Variants in XXYLT1 observed in about 807,000 individuals in gnomAD.
The protein encoded by XXYLT1 is xyloside xylosyltransferase 1, also known as UDP-xylose:alpha-xyloside alpha-1,3-xylosyltransferase.
Under a neutral mutation model 28.9 loss-of-function variants are expected in XXYLT1, and 20 were observed. The ratio of observed to expected loss-of-function variants is 0.69; its 90% CI spans 0.49 to 1.00. The LOEUF is 1.00. Among genes scored for constraint, XXYLT1 ranks in the 50% least tolerant of loss-of-function variants. The pLI is 0.00. For synonymous variants in XXYLT1, 257 were observed against 253.8 expected, an observed-to-expected ratio of 1.01 and a Z score of -0.12; for missense variants, 542 against 560.1, an observed-to-expected ratio of 0.97 and a Z score of 0.33.
chr3:195,181,485 G>A (rs1423624611), intron 2 of XXYLT1, among the ~76,000 whole-genome samples: 3 of 152,188 alleles, frequency 2.0e-5, no homozygotes, highest in African/African-American at 7.2e-5. Context: ...CTGAGGAAGT[G>A]GATGATAATA....
rs186030666 is a variant in XXYLT1 at position 195,090,548 on chromosome 3, A to G, written c.786-20437T>C. Among the ~76,000 whole-genome samples, 309 of 151,458 alleles carry G rather than the reference A, an allele frequency of 2.0e-3. 9 individuals carry two copies. In the East Asian group the frequency reaches 0.036, roughly 18 times the overall value. ...AAGCAGTGTGTAGAGGGACATTTAT[A>G]GCACTAAATGCCACAAGAGAAAGCA... On this transcript the variant is annotated intron_variant, in intron 3 of 3. Transcript: ENST00000310380.
chr3:195,147,563 T>C (rs1209636027), intron 3 of XXYLT1, among the ~76,000 whole-genome samples: 6 of 152,160 alleles, frequency 3.9e-5, no homozygotes, highest in Admixed American at 3.9e-4. Flanking sequence ...AGAAAGAAAC[T>C]ATGTCTCAAA....
intron 2 of XXYLT1, among the ~76,000 whole-genome samples, chr3:195,178,683 C>T (rs962604664): frequency 1.3e-5 from 2 of 152,190 alleles, no homozygotes; most frequent in African/African-American, 4.8e-5. Context: ...ACGGTCTTCA[C>T]ACCTGGGCCC....
At chr3:195,171,590 T>G (rs1465668504) in intron 2 of XXYLT1, among the ~76,000 whole-genome samples, 1 of 152,230 alleles carries the variant, frequency 6.6e-6, no homozygotes, top group Non-Finnish European at 1.5e-5. Context: ...GATTGTACTC[T>G]TAAACCTGCA....
intron 3 of XXYLT1, among the ~76,000 whole-genome samples, chr3:195,085,661 T>C (rs114013441): frequency 6.6e-6 from 1 of 152,150 alleles, no homozygotes; most frequent in Non-Finnish European, 1.5e-5. Flanking sequence ...CTGGTGACAA[T>C]CCTAGTAGAG....
chr3:195,099,440 C>T (rs898306503), intron 3 of XXYLT1, among the ~76,000 whole-genome samples: 2 of 152,184 alleles, frequency 1.3e-5, no homozygotes, highest in Non-Finnish European at 2.9e-5. Context: ...GCAGTCAAGT[C>T]AGCTGAAAGT....
chr3:195,261,159 G>A (rs1179539221), intron 1 of XXYLT1, among the ~76,000 whole-genome samples: 1 of 152,154 alleles, frequency 6.6e-6, no homozygotes, highest in African/African-American at 2.4e-5. Flanking sequence ...CAGGCCGGGC[G>A]CGGTGGCTCA....
At chr3:195,211,115 C>T (rs948323062) in intron 2 of XXYLT1, among the ~76,000 whole-genome samples, 2 of 152,204 alleles carry the variant, frequency 1.3e-5, no homozygotes, top group South Asian at 2.1e-4. Context: ...AAAGGCAGGC[C>T]GGGCATGGTA....
chr3:195,203,341 A>G (rs919040609), intron 2 of XXYLT1, among the ~76,000 whole-genome samples: 14 of 152,286 alleles, frequency 9.2e-5, no homozygotes, highest in Non-Finnish European at 1.8e-4. Flanking sequence ...ATTTCACTCA[A>G]AAGAAAGGAA....
intron 2 of XXYLT1, among the ~76,000 whole-genome samples, chr3:195,217,802 G>A (rs1426504201): frequency 4.0e-5 from 6 of 149,064 alleles, no homozygotes; most frequent in Admixed American, 4.0e-4. Flanking sequence ...TCACAGAATT[G>A]GAAAAAACTA....
chr3:195,227,966 A>C (rs1724127520), intron 1 of XXYLT1, among the ~76,000 whole-genome samples: 1 of 152,202 alleles, frequency 6.6e-6, no homozygotes, highest in Non-Finnish European at 1.5e-5. Flanking sequence ...CTGGTCCCAC[A>C]GGTCTTGCAA....
At chr3:195,136,773 C>T (rs1026037913) in intron 3 of XXYLT1, among the ~76,000 whole-genome samples, 3 of 152,122 alleles carry the variant, frequency 2.0e-5, no homozygotes, top group African/African-American at 7.2e-5. Flanking sequence ...AGGAAGGCCA[C>T]TGCATGTCTG....
intron 3 of XXYLT1, among the ~76,000 whole-genome samples, chr3:195,138,714 G>T (rs1176934550): frequency 6.6e-6 from 1 of 152,050 alleles, no homozygotes; most frequent in African/African-American, 2.4e-5. Context: ...AATTAACCAG[G>T]CATGGTGGCG....
chr3:195,198,430 C>T (rs57903120), intron 2 of XXYLT1, among the ~76,000 whole-genome samples: 3,451 of 152,204 alleles, frequency 0.023, 140 homozygotes, highest in African/African-American at 0.079. Flanking sequence ...AAGTTCTAGG[C>T]CATGCTATAT....
At position 195,257,495 on chromosome 3, in the gene XXYLT1, G is replaced by A. The variant is rs182882892; in HGVS notation, c.504+13060C>T. Among the ~76,000 whole-genome samples the A allele has an allele frequency of 6.6e-6, 1 of 152,206 alleles. No individual in the cohort carries two copies. Among genetic ancestry groups the A allele is most frequent in the African/African-American group, 2.4e-5 (1 of 41,456 alleles). ...AGGCGAGTTAATCAGATGAAGATGG[G>A]AGGAATGGGTGATCCGGGGAAGAAG... is the stretch of plus-strand genomic sequence containing the variant. On this transcript the variant is annotated intron_variant, in intron 1 of 3. Transcript: ENST00000310380. The surrounding 1 kb of genome is among the most constrained non-coding windows in gnomAD (Gnocchi z 4.3).
Position 195,255,219 on chromosome 3 carries a change from G to A in XXYLT1, c.504+15336C>T, listed in dbSNP as rs979140601. 7.2e-5 allele frequency among the ~76,000 whole-genome samples: 11 copies of A among 152,222 alleles called. No homozygotes were observed. The highest frequency in any genetic ancestry group is 1.7e-4 in the African/African-American group (7 of 41,458). ...AAGGCGGTTTCCGAGTACCATGCTC[G>A]CACAACAGGGAGCCGCCGACCAGGC... On this transcript the variant is annotated intron_variant, in intron 1 of 3. Coordinates refer to ENST00000310380, the MANE Select transcript of XXYLT1 (RefSeq NM_152531.5). The surrounding 1 kb of genome is among the most constrained non-coding windows in gnomAD (Gnocchi z 4.5).
intron 3 of XXYLT1, among the ~76,000 whole-genome samples, chr3:195,117,003 G>A (rs1494327): frequency 0.65 from 99,081 of 151,878 alleles, 33,335 homozygotes; most frequent in Non-Finnish European, 0.73. Context: ...AATCACAACT[G>A]ATGCTACGGG....
At chr3:195,112,589 ACACACACGCATG>A (rs1717816302) in intron 3 of XXYLT1, among the ~76,000 whole-genome samples, 1 of 148,010 alleles carries the variant, frequency 6.8e-6, no homozygotes, top group Non-Finnish European at 1.5e-5. Context: ...GCACGCACAC[ACACACACGCATG>A]CACACACACG....
intron 3 of XXYLT1, among the ~76,000 whole-genome samples, chr3:195,086,205 A>G (rs896120583): frequency 2.0e-5 from 3 of 151,252 alleles, no homozygotes; most frequent in Non-Finnish European, 4.4e-5. Context: ...TTGCTTTTAA[A>G]TTTTTCTTTT....
Sources: allele counts gnomAD v4.1 joint callset (sites outside exome capture counted in the v4.1 genomes callset), GRCh38; gene constraint gnomAD v4.1.1; non-coding constraint Gnocchi (gnomAD v3.1); transcripts MANE v1.5; gene names NCBI Gene and HGNC (gene_info 2026-07-23, HGNC 2026-07-21).